FARS2: variants seen among roughly 807,000 people sequenced by gnomAD.
FARS2 encodes the protein phenylalanyl-tRNA synthetase 2, mitochondrial, also known as phenylalanine--tRNA ligase, mitochondrial.
In FARS2, 40 loss-of-function variants were observed where a neutral mutation model predicts 46.4. The observed-to-expected ratio is 0.86, with a 90% CI of 0.67 to 1.12. FARS2 has a LOEUF of 1.12. FARS2 is among the 50% of genes most tolerant of loss of function. The probability of loss-of-function intolerance (pLI) is 0.00; values close to 1 mark genes in which losing one functional copy is unlikely to be tolerated. For synonymous variants in FARS2, 234 were observed against 214.9 expected (o/e 1.09, Z -0.78); for missense variants, 513 against 567.9 (o/e 0.90, Z 0.98).
intron 4 of FARS2, among the ~76,000 whole-genome samples, chr6:5,522,007 G>A (rs779157735): frequency 6.6e-6 from 1 of 152,188 alleles, no homozygotes; most frequent in Non-Finnish European, 1.5e-5. Context: ...ACTCTTTGGT[G>A]ACTCCAGATT....
At chr6:5,539,406 A>ATT (rs1554106834) in intron 4 of FARS2, among the ~76,000 whole-genome samples, 1 of 144,848 alleles carries the variant, frequency 6.9e-6, no homozygotes, top group Non-Finnish European at 1.5e-5. Context: ...ATATGTATAT[A>ATT]TTTTTTTAGT....
Position 5,613,239 on chromosome 6 carries a change from A to G in FARS2, c.1136A>G (p.Asn379Ser). The part of the protein sequence containing the change: ...FWLPSENYAE[N>S]DFYDLVRTIG... The stretch of plus-strand genomic sequence containing the variant: ...TTGCCCTCTGAGAATTACGCAGAAA[A>G]TGATTTCTATGACTTAGTCCGAACA... The change falls in exon 6 of 7, where the codon AAT becomes AGT. Residue 379 changes from asparagine (N) to serine (S), a missense_variant. By Grantham distance (46) the Asn-to-Ser change is conservative (BLOSUM62 1). Transcript: ENST00000274680. 1 of 1,613,466 alleles carries G rather than the reference A, an allele frequency of 6.2e-7. No homozygotes were observed. The highest frequency in any genetic ancestry group is 1.1e-5 in the South Asian group (1 of 91,054).
intron 1 of FARS2, among the ~76,000 whole-genome samples, chr6:5,315,741 C>CTTTCTTT (rs755531154): frequency 1.2e-4 from 7 of 59,994 alleles, no homozygotes; most frequent in African/African-American, 3.1e-4. Context: ...TTTCTTTTTT[C>CTTTCTTT]CTTTCTTTCT....
chr6:5,266,974 T>C (rs1236569651), intron 1 of FARS2, among the ~76,000 whole-genome samples: 1 of 152,214 alleles, frequency 6.6e-6, no homozygotes, highest in Non-Finnish European at 1.5e-5. Context: ...TTTTCAGATA[T>C]ACTTATGAAA....
intron 1 of FARS2, 118 bp from the exon 2 acceptor site, chr6:5,368,432 G>T: frequency 1.2e-6 from 1 of 811,382 alleles, no homozygotes; most frequent in South Asian, 1.7e-5. Flanking sequence ...CTGTGTGGAG[G>T]TCGTAGTGGG....
At chr6:5,574,620 G>A (rs1466477729) in intron 5 of FARS2, among the ~76,000 whole-genome samples, 1 of 152,162 alleles carries the variant, frequency 6.6e-6, no homozygotes, top group Non-Finnish European at 1.5e-5. Context: ...ATTATTTGCA[G>A]TAAATATGTT....
At chr6:5,413,892 G>T (rs1762075744) in intron 3 of FARS2, among the ~76,000 whole-genome samples, 1 of 152,094 alleles carries the variant, frequency 6.6e-6, no homozygotes, top group African/African-American at 2.4e-5. Context: ...AGGATAAGCT[G>T]TATTTTACTG....
At chr6:5,465,368 T>C (rs1322036937) in intron 4 of FARS2, among the ~76,000 whole-genome samples, 3 of 152,218 alleles carry the variant, frequency 2.0e-5, no homozygotes, top group African/African-American at 7.2e-5. Flanking sequence ...ATACTTTTTA[T>C]TTGTTTCTTC....
chr6:5,399,442 C>A (rs188898753), intron 2 of FARS2, among the ~76,000 whole-genome samples: 2 of 152,162 alleles, frequency 1.3e-5, no homozygotes, highest in Admixed American at 1.3e-4. Flanking sequence ...TCCCAAAGTG[C>A]TGGGATTGCA....
intron 3 of FARS2, among the ~76,000 whole-genome samples, chr6:5,407,095 T>C (rs1157337186): frequency 2.8e-5 from 3 of 105,576 alleles, no homozygotes; most frequent in African/African-American, 1.0e-4. Context: ...GAAAAGATGC[T>C]TGTCTTTATT....
intron 6 of FARS2, among the ~76,000 whole-genome samples, chr6:5,706,307 C>G (rs1758760222): frequency 1.3e-5 from 2 of 152,204 alleles, no homozygotes; most frequent in Non-Finnish European, 2.9e-5. Flanking sequence ...GGTACTGGTC[C>G]ACAGCCCGGG....
intron 4 of FARS2, among the ~76,000 whole-genome samples, chr6:5,539,838 G>C (rs1806560): frequency 0.5 from 76,563 of 151,860 alleles, 19,895 homozygotes; most frequent in East Asian, 0.82. Context: ...AGCTTACCTC[G>C]TCACACAGGA....
chr6:5,735,720 C>T lies in FARS2; in HGVS notation c.1218-35571C>T, dbSNP rs563389238. On this transcript the variant is annotated intron_variant, in intron 6 of 6. Transcript: ENST00000274680. ...GCTCCGCGTATTTGCTATTAATAACCGTGGTCAATAGCGGTAATGTTCTAA... is the reference window on the plus strand; with the variant it reads ...GCTCCGCGTATTTGCTATTAATAACTGTGGTCAATAGCGGTAATGTTCTAA... Among the ~76,000 whole-genome samples the T allele has an allele frequency of 1.4e-4, 21 of 152,302 alleles. No homozygotes were observed. In the South Asian group the frequency reaches 4.1e-3, roughly 30 times the overall value.
At chr6:5,600,244 C>T (rs901248140) in intron 5 of FARS2, among the ~76,000 whole-genome samples, 2 of 152,260 alleles carry the variant, frequency 1.3e-5, no homozygotes, top group East Asian at 3.9e-4. Context: ...GAAATACTTA[C>T]AGAAATTCTG....
intron 5 of FARS2, among the ~76,000 whole-genome samples, chr6:5,570,331 A>G (rs1772568479): frequency 6.6e-6 from 1 of 152,224 alleles, no homozygotes; most frequent in Non-Finnish European, 1.5e-5. Flanking sequence ...GACTTGCATT[A>G]TTTGTTTAAA....
intron 1 of FARS2, among the ~76,000 whole-genome samples, chr6:5,353,726 GTTTTTTTTTT>G (rs55998904): frequency 2.5e-5 from 1 of 40,362 alleles, no homozygotes; most frequent in African/African-American, 9.7e-5. Context: ...AATATTTGGT[GTTTTTTTTTT>G]TTTTTTTTTT....
chr6:5,474,226 G>A (rs1278876313), intron 4 of FARS2, among the ~76,000 whole-genome samples: 2 of 152,206 alleles, frequency 1.3e-5, no homozygotes, highest in Non-Finnish European at 2.9e-5. Context: ...GGGCCAGCCA[G>A]CACGGTTTGT....
At chr6:5,478,835 C>T (rs758588344) in intron 4 of FARS2, among the ~76,000 whole-genome samples, 10 of 152,052 alleles carry the variant, frequency 6.6e-5, no homozygotes, top group Non-Finnish European at 1.3e-4. Context: ...GCAGGGCTTC[C>T]CAGGATTGCG....
At chr6:5,545,443 T>C in intron 5 of FARS2, 103 bp downstream of exon 5, 2 of 882,790 alleles carry the variant, frequency 2.3e-6, no homozygotes, top group East Asian at 5.7e-5. Flanking sequence ...TTATTTATTT[T>C]ATTTTATTTT....
Sources: gnomAD v4.1 joint callset for allele counts (sites outside exome capture counted in the v4.1 genomes callset) on GRCh38, gnomAD v4.1.1 for gene constraint, MANE v1.5 for transcripts, NCBI Gene and HGNC (gene_info 2026-07-23, HGNC 2026-07-21) for gene names.